Variants in SYT16 observed in about 807,000 individuals in gnomAD.
SYT16 encodes the protein synaptotagmin 16.
SYT16 carries 42 observed loss-of-function variants against 61.4 expected under a neutral mutation model. That is an observed-to-expected ratio of 0.68 (90% CI 0.53 to 0.89). The LOEUF (loss-of-function observed/expected upper bound fraction) is 0.89, where lower values mean the gene tolerates loss of function less well. SYT16 is among the 40% of genes least tolerant of loss of function. SYT16 has a pLI of 0.00. For synonymous variants in SYT16, 314 were observed against 302.3 expected, an observed-to-expected ratio of 1.04 and a Z score of -0.40; for missense variants, 804 against 807.3, an observed-to-expected ratio of 1.00 and a Z score of 0.05.
intron 1 of SYT16, among the ~76,000 whole-genome samples, chr14:61,813,102 AG>A (rs2045318999): frequency 6.6e-6 from 1 of 152,242 alleles, no homozygotes; most frequent in Non-Finnish European, 1.5e-5. Context: ...CACTGCCCCC[AG>A]GCCCAGAGCC....
Position 62,104,083 on chromosome 14 carries a change from T to G in SYT16, c.*3376T>G, listed in dbSNP as rs935130997. 5.9e-5 allele frequency: 9 copies of G among 152,226 alleles called. No individual in the cohort carries two copies. The highest frequency in any genetic ancestry group is 1.3e-4 in the Non-Finnish European group (9 of 68,030). 9.4% of individuals were successfully genotyped at this position (152,226 alleles called of 1,614,324 possible). A position where few individuals can be genotyped will look rare whatever the true frequency, so the allele number is the denominator to read the frequency against. On this transcript the variant is annotated 3_prime_UTR_variant, in exon 8 of 8. Transcript: ENST00000683842. ...CTTTTCTTTCCAGATGAAGTACTAT[T>G]TAAGTAGAAACTAGCATTAGGTTAA...
chr14:61,898,765 A>G (rs898308779), intron 1 of SYT16, among the ~76,000 whole-genome samples: 3 of 152,184 alleles, frequency 2.0e-5, no homozygotes, highest in East Asian at 1.9e-4. Flanking sequence ...GAGTGTGCCA[A>G]CATCTCACTC....
intron 3 of SYT16, among the ~76,000 whole-genome samples, chr14:62,020,099 TGG>T (rs1378533607): frequency 2.0e-5 from 3 of 152,236 alleles, no homozygotes; most frequent in Non-Finnish European, 4.4e-5. Context: ...TCACATGTAG[TGG>T]TTCCTGAAGA....
intron 1 of SYT16, among the ~76,000 whole-genome samples, chr14:61,885,600 T>C: frequency 6.6e-6 from 1 of 152,202 alleles, no homozygotes; most frequent in East Asian, 1.9e-4. Context: ...CAGAATCCTG[T>C]TTTAGAATGT....
At chr14:61,957,498 GT>G (rs1047499967) in intron 1 of SYT16, among the ~76,000 whole-genome samples, 2 of 151,938 alleles carry the variant, frequency 1.3e-5, no homozygotes, top group Admixed American at 1.3e-4. Flanking sequence ...CTTATTGAGA[GT>G]TTTTCAATTA....
rs368612700 is a variant in SYT16 at position 62,069,705 on chromosome 14, G to T, written c.626G>T (p.Arg209Leu). 1.9e-6 allele frequency: 3 copies of T among 1,613,826 alleles called. No homozygotes were observed. In the South Asian group the frequency reaches 3.3e-5, roughly 18 times the overall value. ...EISVSRSQSF[R>L]SVTSEKGKQT... is the part of the protein sequence containing the mutation. ...TCCGTGTCCCGGTCCCAGAGTTTCC[G>T]TTCAGTGACATCTGAGAAAGGAAAG... The change falls in exon 4 of 8, where the codon CGT (arginine) becomes CTT (leucine). Residue 209 changes from arginine (R) to leucine (L), a missense_variant. Arg to Leu is a moderately radical substitution (Grantham distance 102). Transcript: ENST00000683842.
intron 1 of SYT16, among the ~76,000 whole-genome samples, chr14:61,869,410 CTCTA>C (rs1566639658): frequency 1.3e-5 from 2 of 151,906 alleles, no homozygotes; most frequent in African/African-American, 4.8e-5. Context: ...GGCTTATTAG[CTCTA>C]TCTTTTTTGT....
chr14:62,055,527 C>T (rs994218632), intron 3 of SYT16, among the ~76,000 whole-genome samples: 15 of 152,194 alleles, frequency 9.9e-5, no homozygotes, highest in African/African-American at 3.6e-4. Flanking sequence ...TCCCTGCAGT[C>T]AGAACCAATC....
At chr14:61,904,836 A>G (rs1044309353) in intron 1 of SYT16, among the ~76,000 whole-genome samples, 7 of 152,224 alleles carry the variant, frequency 4.6e-5, no homozygotes, top group African/African-American at 9.6e-5. Context: ...TCTCATTACT[A>G]TAATTAGCAG....
intron 1 of SYT16, among the ~76,000 whole-genome samples, chr14:61,843,679 T>C (rs1197924606): frequency 1.3e-5 from 2 of 152,210 alleles, no homozygotes; most frequent in Non-Finnish European, 2.9e-5. Flanking sequence ...CCTCAGTGTA[T>C]GCTCTTGGCA....
At position 62,028,598 on chromosome 14, in the gene SYT16, T is replaced by C. The variant is rs190883732; in HGVS notation, c.523+32056T>C. 6.6e-4 allele frequency among the ~76,000 whole-genome samples: 100 copies of C among 152,300 alleles called. 1 individual carries two copies. In the East Asian group the frequency reaches 0.016, roughly 25 times the overall value. ...TTGGAAAAATTTTTATATTAATTTA[T>C]GTGTTAATTATAAGTGTCAAAGTAG... On this transcript the variant is annotated intron_variant, in intron 3 of 7. Coordinates refer to ENST00000683842, the MANE Select transcript of SYT16 (RefSeq NM_001367656.1).
intron 1 of SYT16, among the ~76,000 whole-genome samples, chr14:61,813,082 C>T (rs1368431974): frequency 6.6e-6 from 1 of 152,236 alleles, no homozygotes; most frequent in Non-Finnish European, 1.5e-5. Flanking sequence ...CCATCGCAGC[C>T]CTTCGCGGGC....
intron 1 of SYT16, among the ~76,000 whole-genome samples, chr14:61,905,419 C>T (rs1474249458): frequency 6.6e-6 from 1 of 152,204 alleles, no homozygotes; most frequent in Non-Finnish European, 1.5e-5. Context: ...ATGCACCAAA[C>T]TATTATATTG....
At chr14:62,026,325 A>G (rs1159371994) in intron 3 of SYT16, among the ~76,000 whole-genome samples, 1 of 152,234 alleles carries the variant, frequency 6.6e-6, no homozygotes, top group Non-Finnish European at 1.5e-5. Context: ...AGTAATTTAT[A>G]AAGAAAAGAC....
At chr14:62,078,607 A>T (rs369050864) in intron 5 of SYT16, among the ~76,000 whole-genome samples, 177 of 152,296 alleles carry the variant, frequency 1.2e-3, no homozygotes, top group African/African-American at 4.1e-3. Context: ...GGCAGGGAAG[A>T]AGGGAGGTCA....
chr14:61,864,491 G>T (rs1039874829), intron 1 of SYT16, among the ~76,000 whole-genome samples: 3 of 152,280 alleles, frequency 2.0e-5, no homozygotes, highest in African/African-American at 7.2e-5. Context: ...ACTTGGCAGC[G>T]GCCAGCGTGG....
intron 1 of SYT16, among the ~76,000 whole-genome samples, chr14:61,818,769 G>A (rs925936213): frequency 6.6e-6 from 1 of 152,042 alleles, no homozygotes; most frequent in Non-Finnish European, 1.5e-5. Context: ...TATATGGGCT[G>A]TGCACTTGTT....
intron 3 of SYT16, among the ~76,000 whole-genome samples, chr14:62,034,169 C>G (rs1443819544): frequency 6.6e-6 from 1 of 152,126 alleles, no homozygotes; most frequent in African/African-American, 2.4e-5. Flanking sequence ...TTGTACCCAC[C>G]AGCAAGGCTG....
intron 1 of SYT16, among the ~76,000 whole-genome samples, chr14:61,920,590 T>G (rs1056363109): frequency 6.6e-6 from 1 of 152,172 alleles, no homozygotes; most frequent in Non-Finnish European, 1.5e-5. Flanking sequence ...TCTAGAAACA[T>G]TTACTGGGGT....
Sources: gnomAD v4.1 joint callset for allele counts (sites outside exome capture counted in the v4.1 genomes callset) on GRCh38, gnomAD v4.1.1 for gene constraint, MANE v1.5 for transcripts, NCBI Gene and HGNC (gene_info 2026-07-23, HGNC 2026-07-21) for gene names.